Variants in LRCH2 observed in about 807,000 individuals in gnomAD.
LRCH2 encodes the protein leucine-rich repeat and calponin homology domain-containing protein 2.
A neutral mutation model predicts 68.9 loss-of-function variants in LRCH2; 38 were observed. The ratio of observed to expected loss-of-function variants is 0.55; its 90% CI spans 0.43 to 0.72. LRCH2 has a LOEUF of 0.72. Among genes scored for constraint, LRCH2 ranks in the 30% least tolerant of loss-of-function variants. The pLI, the probability that LRCH2 is intolerant of heterozygous loss-of-function variation, is 0.00. For synonymous variants in LRCH2, 191 were observed against 208.1 expected, an observed-to-expected ratio of 0.92 and a Z score of 0.71; for missense variants, 528 against 572.9, an observed-to-expected ratio of 0.92 and a Z score of 0.80.
chrX:115,221,411 A>T (rs1222685311), intron 1 of LRCH2, among the ~76,000 whole-genome samples: 2 of 108,745 alleles, frequency 1.8e-5, no homozygotes, highest in African/African-American at 6.7e-5. Context: ...CACCCTGAAG[A>T]ACAGGGTATA....
At chrX:115,214,684 T>C (rs1019658584) in intron 1 of LRCH2, among the ~76,000 whole-genome samples, 5 of 111,818 alleles carry the variant, frequency 4.5e-5, no homozygotes, top group African/African-American at 1.6e-4. Context: ...CAACCAGTAA[T>C]GAAAGGCTCA....
At chrX:115,189,940 C>T (rs1367014038) in intron 1 of LRCH2, 3 of 1,158,036 alleles carry the variant, frequency 2.6e-6, no homozygotes, top group Admixed American at 2.6e-5. Flanking sequence ...GAGGGCCACG[C>T]CGTCGAGCCT....
At chrX:115,192,825 TTAA>T (rs2072856375) in intron 1 of LRCH2, 1 of 467,053 alleles carries the variant, frequency 2.1e-6, no homozygotes, top group South Asian at 3.5e-5. Flanking sequence ...TTTGAAATTG[TTAA>T]TGTTTCTTTC....
At chrX:115,227,766 A>G (rs1556576912) in intron 1 of LRCH2, among the ~76,000 whole-genome samples, 1 of 108,611 alleles carries the variant, frequency 9.2e-6, no homozygotes, top group African/African-American at 3.4e-5. Flanking sequence ...TTCTAGAATC[A>G]GTTCATCTCC....
In LRCH2 at chrX:115,232,386, A is replaced by C. The variant is rs782437238; in HGVS notation, c.349+1307T>G. On this transcript the variant is annotated intron_variant, in intron 1 of 20. Coordinates refer to ENST00000317135, the MANE Select transcript of LRCH2 (RefSeq NM_020871.4). ...CTTGCTAACAGTCATGAATATGTGA[A>C]CATATTATTTAGGAAATCTGTTCTG... is the stretch of plus-strand genomic sequence containing the variant. Among the ~76,000 whole-genome samples, 7 of 112,086 alleles carry C rather than the reference A, an allele frequency of 6.2e-5. No individual in the cohort carries two copies. The East Asian group carries it at 1.4e-3, about 22-fold the overall frequency.
chrX:115,228,241 A>AT (rs1196163348), intron 1 of LRCH2, among the ~76,000 whole-genome samples: 15 of 110,772 alleles, frequency 1.4e-4, no homozygotes, highest in Admixed American at 7.7e-4. Flanking sequence ...CGTGTAAGGT[A>AT]TTTTTTTTTC....
At chrX:115,211,458 T>C (rs1354284748) in intron 1 of LRCH2, among the ~76,000 whole-genome samples, 1 of 111,831 alleles carries the variant, frequency 8.9e-6, no homozygotes, top group Non-Finnish European at 1.9e-5. Context: ...CAAATTTCTT[T>C]CTTTTGTAAA....
intron 14 of LRCH2, among the ~76,000 whole-genome samples, chrX:115,131,159 G>A (rs1299793326): frequency 9.1e-6 from 1 of 109,542 alleles, no homozygotes; most frequent in Non-Finnish European, 1.9e-5. Flanking sequence ...TGTGTACAAC[G>A]TGCAGGTTAC....
At chrX:115,149,785 C>G in intron 14 of LRCH2, 42 bp downstream of exon 14, 1 of 873,915 alleles carries the variant, frequency 1.1e-6, no homozygotes, top group Admixed American at 3.3e-5. Context: ...AAAATAAAAA[C>G]TAATAATTAC....
At chrX:115,217,488 C>G (rs954369359) in intron 1 of LRCH2, among the ~76,000 whole-genome samples, 1 of 111,497 alleles carries the variant, frequency 9.0e-6, no homozygotes, top group Non-Finnish European at 1.9e-5. Context: ...GTTTGGTTTT[C>G]TGTTCCTGTG....
chrX:115,161,930 G>GTTTTTTTT (rs71986178), intron 11 of LRCH2, among the ~76,000 whole-genome samples: 1 of 82,806 alleles, frequency 1.2e-5, no homozygotes, highest in Admixed American at 1.6e-4. Flanking sequence ...AGGCCTGTCG[G>GTTTTTTTT]TTTTTTTTTT....
intron 5 of LRCH2, among the ~76,000 whole-genome samples, chrX:115,178,245 T>G (rs782196014): frequency 1.8e-5 from 2 of 111,820 alleles, no homozygotes; most frequent in Non-Finnish European, 3.8e-5. Flanking sequence ...AGGGCAAGAA[T>G]CTGAGGGTGT....
intron 14 of LRCH2, among the ~76,000 whole-genome samples, chrX:115,141,849 G>A (rs782535617): frequency 1.1e-4 from 11 of 103,401 alleles, no homozygotes; most frequent in African/African-American, 3.2e-4. Flanking sequence ...ACTCCAGCCT[G>A]GGTGACAGAG....
At chrX:115,128,104 C>T (rs782157336) in intron 15 of LRCH2, among the ~76,000 whole-genome samples, 127 of 111,524 alleles carry the variant, frequency 1.1e-3, no homozygotes, top group African/African-American at 4.0e-3. Flanking sequence ...GGGCCTCTGC[C>T]GGAGCAGAAA....
At chrX:115,233,646 C>G in intron 1 of LRCH2, 47 bp downstream of exon 1, 3 of 1,090,798 alleles carry the variant, frequency 2.8e-6, no homozygotes, top group Non-Finnish European at 3.6e-6. Flanking sequence ...ACCCACTCCC[C>G]GCACCTCCTC....
chrX:115,197,585 C>G (rs1412003917), intron 1 of LRCH2, among the ~76,000 whole-genome samples: 5 of 110,104 alleles, frequency 4.5e-5, no homozygotes, highest in African/African-American at 1.3e-4. Context: ...GAACCTGTCT[C>G]TACTAAAAAT....
At chrX:115,163,001 A>G (rs2072531394) in intron 11 of LRCH2, among the ~76,000 whole-genome samples, 1 of 111,714 alleles carries the variant, frequency 9.0e-6, no homozygotes, top group African/African-American at 3.2e-5. Context: ...TTAGAAGTGG[A>G]CATGTCTTGA....
At chrX:115,183,555 T>C (rs1468097917) in intron 3 of LRCH2, among the ~76,000 whole-genome samples, 1 of 109,804 alleles carries the variant, frequency 9.1e-6, no homozygotes, top group East Asian at 2.9e-4. Context: ...ATAAGTTGGG[T>C]GTGGTGGCGC....
chrX:115,185,707 A>T (rs2072726624), intron 2 of LRCH2, among the ~76,000 whole-genome samples: 1 of 111,500 alleles, frequency 9.0e-6, no homozygotes, highest in African/African-American at 3.3e-5. Flanking sequence ...CACGGCACAA[A>T]CAAACAAACA....
Sources: gnomAD v4.1 joint callset for allele counts (sites outside exome capture counted in the v4.1 genomes callset) on GRCh38, gnomAD v4.1.1 for gene constraint, MANE v1.5 for transcripts, NCBI Gene and HGNC (gene_info 2026-07-23, HGNC 2026-07-21) for gene names.